ATG10: variants seen among roughly 807,000 people sequenced by gnomAD.
ATG10 encodes the protein autophagy related 10.
Under a neutral mutation model 32.1 loss-of-function variants are expected in ATG10, and 30 were observed. The observed-to-expected ratio is 0.94, with a 90% CI of 0.70 to 1.27. The LOEUF (loss-of-function observed/expected upper bound fraction) is 1.27, where lower values mean the gene tolerates loss of function less well. Ranked by LOEUF, ATG10 falls within the 50% of genes most tolerant of loss-of-function variation. ATG10 has a pLI of 0.00. For synonymous variants in ATG10, 87 were observed against 91.5 expected, an observed-to-expected ratio of 0.95 and a Z score of 0.28; for missense variants, 233 against 262.3, an observed-to-expected ratio of 0.89 and a Z score of 0.77.
chr5:82,142,268 C>T (rs188349870), intron 3 of ATG10, among the ~76,000 whole-genome samples: 3 of 152,222 alleles, frequency 2.0e-5, no homozygotes, highest in Admixed American at 6.5e-5. Flanking sequence ...TAAAATAATT[C>T]CTCTCAGTAA....
chr5:82,098,874 A>G (rs987012781), intron 3 of ATG10, among the ~76,000 whole-genome samples: 18 of 152,334 alleles, frequency 1.2e-4, no homozygotes, highest in Non-Finnish European at 1.6e-4. Flanking sequence ...ACTCACCCAC[A>G]ACATTTAGAC....
At chr5:82,207,699 C>T (rs951843807) in intron 5 of ATG10, among the ~76,000 whole-genome samples, 3 of 152,094 alleles carry the variant, frequency 2.0e-5, no homozygotes, top group Admixed American at 6.5e-5. Flanking sequence ...AGATCATTGT[C>T]TACCCCAAGA....
At chr5:82,015,915 T>G (rs1393909381) in intron 2 of ATG10, among the ~76,000 whole-genome samples, 1 of 152,200 alleles carries the variant, frequency 6.6e-6, no homozygotes, top group Non-Finnish European at 1.5e-5. Flanking sequence ...TTTCAGAATT[T>G]TCAGTTTTTC....
chr5:82,012,998 T>C (rs1260910385), intron 2 of ATG10, among the ~76,000 whole-genome samples: 3 of 150,452 alleles, frequency 2.0e-5, no homozygotes, highest in East Asian at 3.9e-4. Context: ...AGTCTCGCCC[T>C]GTTGCCAGGC....
intron 2 of ATG10, among the ~76,000 whole-genome samples, chr5:82,001,038 C>CA: frequency 6.6e-6 from 1 of 151,988 alleles, no homozygotes; most frequent in East Asian, 1.9e-4. Flanking sequence ...ACAGGAGCCA[C>CA]AAAAAAGAGT....
In ATG10 at chr5:82,144,525, T is replaced by G. The variant is rs184958611; in HGVS notation, c.217-19874T>G. Among the ~76,000 whole-genome samples the G allele has an allele frequency of 3.7e-3, 568 of 151,920 alleles. 1 individual carries two copies. The highest frequency in any genetic ancestry group is 0.013 in the African/African-American group (535 of 41,558). On this transcript the variant is annotated intron_variant, in intron 3 of 7. Coordinates refer to ENST00000282185, the MANE Select transcript of ATG10 (RefSeq NM_031482.5). ...TTTATTGCATTTTTATTATAAAATT[T>G]TTAATATTTTATAATTCACTTTATG...
intron 3 of ATG10, among the ~76,000 whole-genome samples, chr5:82,137,385 A>C (rs1052193622): frequency 6.6e-6 from 1 of 151,976 alleles, no homozygotes; most frequent in South Asian, 2.1e-4. Flanking sequence ...GTGACCTTCA[A>C]ATGTCGTTTT....
At position 81,973,771 on chromosome 5, in the gene ATG10, CA is replaced by C. The variant is rs569972222; in HGVS notation, c.-13+1471del. Among the ~76,000 whole-genome samples, 528 of 152,090 alleles carry C rather than the reference CA, an allele frequency of 3.5e-3. 3 individuals are homozygous for C. Among genetic ancestry groups the C allele is most frequent in the African/African-American group, 0.012 (499 of 41,490 alleles). ...AGAGGAAATGTTACAGAACTTTGAC[CA>C]AAAAATAAATCCTGAGTATTGAGAA... On this transcript the variant is annotated intron_variant, in intron 1 of 7. Coordinates refer to ENST00000282185, the MANE Select transcript of ATG10 (RefSeq NM_031482.5).
At chr5:82,055,040 GTGGTGGTTCT>G (rs1314952898) in intron 2 of ATG10, among the ~76,000 whole-genome samples, 35 of 152,112 alleles carry the variant, frequency 2.3e-4, no homozygotes, top group East Asian at 1.7e-3. Context: ...GCTGACAAGA[GTGGTGGTTCT>G]CCTGCTTTTG....
chr5:82,121,575 C>T (rs1766040714), intron 3 of ATG10, among the ~76,000 whole-genome samples: 1 of 152,146 alleles, frequency 6.6e-6, no homozygotes, highest in Admixed American at 6.6e-5. Flanking sequence ...TTTGCCCATT[C>T]AGTATAATGT....
intron 3 of ATG10, among the ~76,000 whole-genome samples, chr5:82,098,526 G>T (rs1368162859): frequency 6.6e-6 from 1 of 151,992 alleles, no homozygotes; most frequent in Non-Finnish European, 1.5e-5. Context: ...GGCCAGGCTG[G>T]TCTTGAACTC....
chr5:82,132,418 T>G, intron 3 of ATG10, among the ~76,000 whole-genome samples: 1 of 67,076 alleles, frequency 1.5e-5, no homozygotes, highest in African/African-American at 5.8e-5. Flanking sequence ...CCCCACCCCA[T>G]TACAGGCCCC....
chr5:82,193,023 T>G (rs938376918), intron 5 of ATG10, among the ~76,000 whole-genome samples: 1 of 152,188 alleles, frequency 6.6e-6, no homozygotes, highest in African/African-American at 2.4e-5. Context: ...CTGTTTACTA[T>G]GAGGTGGGGT....
intron 5 of ATG10, among the ~76,000 whole-genome samples, chr5:82,195,290 C>T (rs1744811124): frequency 6.6e-6 from 1 of 152,208 alleles, no homozygotes; most frequent in Non-Finnish European, 1.5e-5. Context: ...CCTCTCTAAT[C>T]ATACCAAACT....
intron 5 of ATG10, among the ~76,000 whole-genome samples, chr5:82,243,767 A>T (rs1331421841): frequency 3.3e-5 from 5 of 152,208 alleles, no homozygotes; most frequent in Admixed American, 1.3e-4. Flanking sequence ...CAGGATATAC[A>T]TATGGACAAC....
chr5:82,066,210 A>C (rs1422996042), intron 3 of ATG10, among the ~76,000 whole-genome samples: 7 of 152,150 alleles, frequency 4.6e-5, no homozygotes, highest in African/African-American at 1.7e-4. Flanking sequence ...TTTCCATAGA[A>C]TAGAGATAAC....
At chr5:82,174,772 T>C (rs79855986) in intron 4 of ATG10, among the ~76,000 whole-genome samples, 4,973 of 152,304 alleles carry the variant, frequency 0.033, 113 homozygotes, top group Middle Eastern at 0.051. Flanking sequence ...AGACCTGATA[T>C]GCTTGTTTTA....
intron 1 of ATG10, among the ~76,000 whole-genome samples, chr5:81,974,302 G>A (rs2149648643): frequency 6.6e-6 from 1 of 152,270 alleles, no homozygotes; most frequent in Non-Finnish European, 1.5e-5. Flanking sequence ...AAAGCAATTA[G>A]AAAGTTGGGG....
chr5:82,206,825 T>A (rs1745319496), intron 5 of ATG10, among the ~76,000 whole-genome samples: 1 of 152,176 alleles, frequency 6.6e-6, no homozygotes, highest in East Asian at 1.9e-4. Context: ...ACAATTGTCT[T>A]GACTTCTAAA....
Sources: allele counts gnomAD v4.1 joint callset (sites outside exome capture counted in the v4.1 genomes callset), GRCh38; gene constraint gnomAD v4.1.1; transcripts MANE v1.5; gene names NCBI Gene and HGNC (gene_info 2026-07-23, HGNC 2026-07-21).